FARSB: variants seen among roughly 807,000 people sequenced by gnomAD.
The protein encoded by FARSB is phenylalanyl-tRNA synthetase subunit beta.
Under a neutral mutation model 69.6 loss-of-function variants are expected in FARSB, and 40 were observed. The ratio of observed to expected loss-of-function variants is 0.57; its 90% CI spans 0.45 to 0.75. FARSB has a LOEUF of 0.75. Among genes scored for constraint, FARSB ranks in the 30% least tolerant of loss-of-function variants. FARSB has a pLI of 0.00. For synonymous variants in FARSB, 235 were observed against 247.2 expected (o/e 0.95, Z 0.46); for missense variants, 632 against 722.9 (o/e 0.87, Z 1.44).
intron 10 of FARSB, among the ~76,000 whole-genome samples, chr2:222,627,866 G>A (rs756445961): frequency 6.6e-6 from 1 of 152,144 alleles, no homozygotes; most frequent in Non-Finnish European, 1.5e-5. Context: ...AAATGGCAAG[G>A]GAATAGTGAA....
chr2:222,594,210 T>C (rs1286891598), intron 16 of FARSB, among the ~76,000 whole-genome samples: 1 of 148,544 alleles, frequency 6.7e-6, no homozygotes, highest in East Asian at 2.1e-4. Context: ...GCCACTACAC[T>C]CTAGCCTGGG....
At position 222,628,741 on chromosome 2, in the gene FARSB, G is replaced by A. The variant is rs148160473; in HGVS notation, c.900+96C>T. 3 of 796,174 alleles carry A rather than the reference G, an allele frequency of 3.8e-6. No homozygotes were observed. The African/African-American group carries it at 5.2e-5, about 14-fold the overall frequency. The allele number at this position is 796,174 out of a possible 1,614,324, so 49.3% of individuals were successfully genotyped here. A position where few individuals can be genotyped will look rare whatever the true frequency, so the allele number is the denominator to read the frequency against. ...GTAGCGCCTGGCACACGGGTGGGTA[G>A]GTAGGGGATGGATAGACAGACAGAA... On this transcript the variant is annotated intron_variant, in intron 10 of 16. Coordinates refer to ENST00000281828, the MANE Select transcript of FARSB (RefSeq NM_005687.5).
chr2:222,585,720 G>A (rs565630458), intron 16 of FARSB, among the ~76,000 whole-genome samples: 9 of 152,308 alleles, frequency 5.9e-5, no homozygotes, highest in South Asian at 2.1e-4. Context: ...ACTATGTGAC[G>A]CATGCACAAG....
At chr2:222,631,182 CT>C (rs58544238) in intron 8 of FARSB, among the ~76,000 whole-genome samples, 11,356 of 143,810 alleles carry the variant, frequency 0.079, 944 homozygotes, top group African/African-American at 0.22. Flanking sequence ...TCGCCAGTTC[CT>C]TTTTTTTTTT....
intron 10 of FARSB, among the ~76,000 whole-genome samples, chr2:222,626,858 C>T (rs1691288459): frequency 6.6e-6 from 1 of 151,860 alleles, no homozygotes; most frequent in South Asian, 2.1e-4. Context: ...ATGGTGAAAC[C>T]CCATCTCTAC....
chr2:222,584,900 C>T (rs1397675694), intron 16 of FARSB, among the ~76,000 whole-genome samples: 1 of 152,244 alleles, frequency 6.6e-6, no homozygotes, highest in East Asian at 1.9e-4. Context: ...CCTCTGTAGA[C>T]TCCACATCTG....
intron 10 of FARSB, among the ~76,000 whole-genome samples, chr2:222,626,552 A>C (rs1326120263): frequency 6.6e-6 from 1 of 152,192 alleles, no homozygotes; most frequent in East Asian, 1.9e-4. Flanking sequence ...ACAAATGCCA[A>C]AACACTCATG....
intron 8 of FARSB, among the ~76,000 whole-genome samples, chr2:222,630,854 C>T (rs1361031787): frequency 6.6e-6 from 1 of 152,172 alleles, no homozygotes; most frequent in Non-Finnish European, 1.5e-5. Context: ...GACAATATTT[C>T]TGAAGGCAAG....
intron 16 of FARSB, among the ~76,000 whole-genome samples, chr2:222,574,879 C>T (rs1051682887): frequency 5.3e-5 from 8 of 152,154 alleles, no homozygotes; most frequent in African/African-American, 7.2e-5. Context: ...ATTGGTACAA[C>T]AGAGAGAACC....
At chr2:222,584,763 C>T (rs1025934900) in intron 16 of FARSB, among the ~76,000 whole-genome samples, 1 of 152,216 alleles carries the variant, frequency 6.6e-6, no homozygotes, top group African/African-American at 2.4e-5. Flanking sequence ...AGTCCCAGAT[C>T]GAACTGCAAG....
chr2:222,585,892 T>G (rs899678441), intron 16 of FARSB, among the ~76,000 whole-genome samples: 4 of 152,198 alleles, frequency 2.6e-5, no homozygotes, highest in Non-Finnish European at 5.9e-5. Flanking sequence ...GTTTGATTGG[T>G]GTACCTGAAA....
At chr2:222,599,181 G>C (rs1381747800) in intron 16 of FARSB, among the ~76,000 whole-genome samples, 1 of 152,114 alleles carries the variant, frequency 6.6e-6, no homozygotes, top group African/African-American at 2.4e-5. Context: ...ATGCCAAATA[G>C]AGTTATAAAG....
chr2:222,597,511 T>C (rs1690450821), intron 16 of FARSB, among the ~76,000 whole-genome samples: 2 of 152,174 alleles, frequency 1.3e-5, no homozygotes, highest in Admixed American at 1.3e-4. Flanking sequence ...CTAAGTATTA[T>C]ATTCTGTATG....
intron 16 of FARSB, among the ~76,000 whole-genome samples, chr2:222,587,188 T>A (rs890768807): frequency 7.9e-5 from 12 of 152,324 alleles, no homozygotes; most frequent in African/African-American, 2.6e-4. Context: ...AAATTAGAAC[T>A]CAGTATTAAG....
intron 16 of FARSB, among the ~76,000 whole-genome samples, chr2:222,596,955 G>A (rs1553548873): frequency 6.6e-6 from 1 of 152,044 alleles, no homozygotes; most frequent in Non-Finnish European, 1.5e-5. Flanking sequence ...CTTGCCATTA[G>A]ATAATCAAAA....
chr2:222,632,271 G>A (rs1691451422), intron 7 of FARSB, among the ~76,000 whole-genome samples: 1 of 152,240 alleles, frequency 6.6e-6, no homozygotes, highest in African/African-American at 2.4e-5. Flanking sequence ...TGTGTCAGGT[G>A]CTATGCCAAG....
At chr2:222,611,809 G>C (rs1422292790) in intron 15 of FARSB, among the ~76,000 whole-genome samples, 1 of 152,100 alleles carries the variant, frequency 6.6e-6, no homozygotes, top group Non-Finnish European at 1.5e-5. Context: ...ATACTGCCAA[G>C]TGCCCCATCC....
At position 222,578,336 on chromosome 2, in the gene FARSB, C is replaced by G. The variant is rs549984520; in HGVS notation, c.1619-6314G>C. Among the ~76,000 whole-genome samples the G allele has an allele frequency of 7.2e-5, 11 of 152,180 alleles. No homozygotes were observed. In the East Asian group the frequency reaches 1.9e-3, roughly 27 times the overall value. On this transcript the variant is annotated intron_variant, in intron 16 of 16. Transcript: ENST00000281828. ...TAATTTATTACTTCCTCCACAAGTA[C>G]AGTGAAATAATTAAAAAGAGACTGT...
chr2:222,577,869 CG>C (rs1165779934), intron 16 of FARSB, among the ~76,000 whole-genome samples: 1 of 152,074 alleles, frequency 6.6e-6, no homozygotes, highest in Non-Finnish European at 1.5e-5. Context: ...AGAAAATGCT[CG>C]GGAAACGTTG....
Sources: gnomAD v4.1 joint callset for allele counts (sites outside exome capture counted in the v4.1 genomes callset) on GRCh38, gnomAD v4.1.1 for gene constraint, MANE v1.5 for transcripts, NCBI Gene and HGNC (gene_info 2026-07-23, HGNC 2026-07-21) for gene names.